The following ATM variants were observed in gnomAD, a reference collection of about 807,000 sequenced individuals.
ATM encodes ATM serine/threonine kinase, also known as serine-protein kinase ATM.
ATM carries 308 observed loss-of-function variants against 387.0 expected under a neutral mutation model. The observed-to-expected ratio is 0.80, with a 90% confidence interval of 0.73 to 0.87. The LOEUF (loss-of-function observed/expected upper bound fraction) is 0.87. ATM is among the 40% of genes least tolerant of loss of function. The pLI, the probability that ATM is intolerant of heterozygous loss-of-function variation, is 0.00. For missense variants in ATM, 3,312 were observed against 3,560.9 expected (o/e 0.93, Z 1.78); for synonymous variants, 1,156 against 1,187.3 (o/e 0.97, Z 0.54).
intron 59 of ATM, among the ~76,000 whole-genome samples, chr11:108,349,580 T>G (rs1351583280): frequency 6.6e-6 from 1 of 152,090 alleles, no homozygotes; most frequent in Non-Finnish European, 1.5e-5. Context: ...GGAGAATCAC[T>G]TGAACCCAGG....
intron 1 of ATM, chr11:108,226,089 A>G (rs1017800247): frequency 6.6e-6 from 1 of 152,220 alleles, no homozygotes; most frequent in East Asian, 1.9e-4. Flanking sequence ...ACTTCTTTGT[A>G]TTATATAAAG....
intron 59 of ATM, among the ~76,000 whole-genome samples, chr11:108,351,313 C>A (rs775358987): frequency 6.6e-6 from 1 of 152,150 alleles, no homozygotes; most frequent in African/African-American, 2.4e-5. Flanking sequence ...GTTCTGTTAA[C>A]GTGGATTTGT....
intron 16 of ATM, among the ~76,000 whole-genome samples, chr11:108,264,313 C>A (rs1021063488): frequency 6.6e-6 from 1 of 152,024 alleles, no homozygotes; most frequent in African/African-American, 2.4e-5. Context: ...CCTGGGATGC[C>A]AGGCTGGTTC....
intron 56 of ATM, among the ~76,000 whole-genome samples, chr11:108,341,692 C>T (rs1359945051): frequency 1.3e-5 from 2 of 152,022 alleles, no homozygotes; most frequent in Non-Finnish European, 1.5e-5. Context: ...CAAAAAGGAT[C>T]ATTTTAATAT....
chr11:108,245,598 A>G (rs763968799), intron 7 of ATM, among the ~76,000 whole-genome samples: 18 of 151,954 alleles, frequency 1.2e-4, no homozygotes, highest in Non-Finnish European at 2.4e-4. Flanking sequence ...ATTCCTTCAT[A>G]TATGTCCTAT....
chr11:108,303,561 C>A (rs2083533404), intron 36 of ATM, among the ~76,000 whole-genome samples: 1 of 152,100 alleles, frequency 6.6e-6, no homozygotes, highest in Non-Finnish European at 1.5e-5. Flanking sequence ...ATAGCACTGT[C>A]AAATGTGATT....
intron 27 of ATM, among the ~76,000 whole-genome samples, chr11:108,288,623 C>G (rs1292684115): frequency 6.7e-6 from 1 of 149,998 alleles, no homozygotes; most frequent in African/African-American, 2.5e-5. Context: ...ATTGCCATGT[C>G]TTAAAGTACT....
chr11:108,269,004 A>G (rs2081421376), intron 18 of ATM, among the ~76,000 whole-genome samples: 1 of 152,192 alleles, frequency 6.6e-6, no homozygotes, highest in Non-Finnish European at 1.5e-5. Context: ...AAGTTACAAG[A>G]ATACTACAGT....
Position 108,272,670 on chromosome 11 carries a change from TA to T in ATM, c.3154-50del, listed in dbSNP as rs2081651517. 1.9e-6 allele frequency: 3 copies of T among 1,613,224 alleles called. No individual in the cohort carries two copies. The Admixed American group carries it at 5.0e-5, about 27-fold the overall frequency. ...AAATTTTAAAGCAGTCTTTGTTTGTTAATGAGTAATTTTTCTCTATTTCATA... is the reference window on the plus strand; with the variant it reads ...AAATTTTAAAGCAGTCTTTGTTTGTTATGAGTAATTTTTCTCTATTTCATA... On this transcript the variant is annotated intron_variant, in intron 21 of 62. Transcript: ENST00000675843.
At chr11:108,247,218 A>C in intron 8 of ATM, 91 bp downstream of exon 8, 1 of 1,272,586 alleles carries the variant, frequency 7.9e-7, no homozygotes, top group Non-Finnish European at 1.1e-6. Flanking sequence ...CTGTGTTCTC[A>C]CAAAAAGCCT....
rs1591677421 is a variant in ATM, at chr11:108,293,402, C to T, written c.4701C>T (p.Asp1567=). Residue 1567 remains aspartate, a synonymous_variant, in exon 31 of 63, where the codon GAC becomes GAT. Transcript: ENST00000675843. ...ITIKLLDPFP[D]HVVFKDLRIT... ...TTAAGCTTTTAGATCCTTTTCCTGACCATGTTGTTTTTAAGGATTTGCGTA... is the reference window on the plus strand; with the variant it reads ...TTAAGCTTTTAGATCCTTTTCCTGATCATGTTGTTTTTAAGGATTTGCGTA... 6.2e-7 allele frequency: 1 copy of T among 1,610,786 alleles called. No individual in the cohort carries two copies. Among genetic ancestry groups the T allele is most frequent in the South Asian group, 1.1e-5 (1 of 90,968 alleles).
intron 61 of ATM, chr11:108,355,240 C>T (rs1352768708): frequency 3.7e-6 from 1 of 267,510 alleles, no homozygotes; most frequent in Non-Finnish European, 7.3e-6. Context: ...TGCTCAGGTT[C>T]AGAACTAATT....
chr11:108,304,984 GA>G, intron 37 of ATM, 132 bp downstream of exon 37: 1 of 1,142,722 alleles, frequency 8.8e-7, no homozygotes, highest in South Asian at 1.4e-5. Context: ...TTCATCTATG[GA>G]ATGGAGATAA....
intron 61 of ATM, among the ~76,000 whole-genome samples, chr11:108,362,458 C>G (rs2090881479): frequency 6.6e-6 from 1 of 151,300 alleles, no homozygotes; most frequent in African/African-American, 2.4e-5. Context: ...GGTATATAAC[C>G]AAAGGACTAT....
rs786203114 is a variant in ATM, at chr11:108,284,254, T to C, written c.3774T>C (p.His1258=). The change falls in exon 26 of 63, where the codon CAT becomes CAC. Residue 1258 remains histidine, a synonymous_variant. Coordinates refer to ENST00000675843, the MANE Select transcript of ATM (RefSeq NM_000051.4). ...YRSCYKVLIP[H]LVIRSHFDEV... ...CTTGTTATAAGGTTTTGATTCCACA[T>C]CTGGTGATTAGAAGTCATTTTGATG... The C allele has an allele frequency of 6.2e-7, 1 of 1,611,618 alleles. No individual in the cohort carries two copies. The highest frequency in any genetic ancestry group is 8.5e-7 in the Non-Finnish European group (1 of 1,177,870).
At position 108,334,027 on chromosome 11, in the gene ATM, C is replaced by T; in HGVS notation, c.8010+59C>T. Reference sequence around the variant, plus strand: ...CTAAATTTTTTTTATTAGATTGAACCATTTGAAATAGTATTTTTATGTAGG... The same window carrying T: ...CTAAATTTTTTTTATTAGATTGAACTATTTGAAATAGTATTTTTATGTAGG... On this transcript the variant is annotated intron_variant, in intron 54 of 62. Transcript: ENST00000675843. 4 of 1,319,918 alleles carry T rather than the reference C, an allele frequency of 3.0e-6. No homozygotes were observed. The Admixed American group carries it at 6.8e-5, about 22-fold the overall frequency. 81.8% of individuals were successfully genotyped at this position (1,319,918 alleles called of 1,614,324 possible). A position where few individuals can be genotyped will look rare whatever the true frequency, so the allele number is the denominator to read the frequency against.
intron 22 of ATM, among the ~76,000 whole-genome samples, chr11:108,278,966 A>G (rs150078081): frequency 6.6e-6 from 1 of 152,234 alleles, no homozygotes; most frequent in African/African-American, 2.4e-5. Context: ...AAAAGCTTCG[A>G]TTACTAAAAA....
At position 108,242,238 on chromosome 11, in the gene ATM, A is replaced by G. The variant is rs147327812; in HGVS notation, c.497-1715A>G. 3.1e-3 allele frequency among the ~76,000 whole-genome samples: 477 copies of G among 152,358 alleles called. 1 individual carries two copies. The highest frequency in any genetic ancestry group is 5.6e-3 in the Non-Finnish European group (384 of 68,030). Reference sequence around the variant, plus strand: ...TAATAAGGAAACACTATGAACATCTATTAATTTAAATGGGCCAGTTCCTCA... The same window carrying G: ...TAATAAGGAAACACTATGAACATCTGTTAATTTAAATGGGCCAGTTCCTCA... On this transcript the variant is annotated intron_variant, in intron 5 of 62. Transcript: ENST00000675843.
At chr11:108,274,687 G>A (rs2081836137) in intron 22 of ATM, among the ~76,000 whole-genome samples, 2 of 152,282 alleles carry the variant, frequency 1.3e-5, no homozygotes, top group East Asian at 3.9e-4. Flanking sequence ...TTTTGAGTGA[G>A]TTTCTTAATC....
Sources: gnomAD v4.1 joint callset for allele counts (sites outside exome capture counted in the v4.1 genomes callset) on GRCh38, gnomAD v4.1.1 for gene constraint, MANE v1.5 for transcripts, NCBI Gene and HGNC (gene_info 2026-07-23, HGNC 2026-07-21) for gene names.